LRP1B: variants seen among roughly 807,000 people sequenced by gnomAD.
LRP1B encodes the protein LDL receptor related protein 1B.
Under a neutral mutation model 556.6 loss-of-function variants are expected in LRP1B, and 217 were observed. The ratio of observed to expected loss-of-function variants is 0.39; its 90% CI spans 0.35 to 0.44. The LOEUF (loss-of-function observed/expected upper bound fraction) is 0.44, where lower values mean the gene tolerates loss of function less well. LRP1B is among the 20% of genes least tolerant of loss of function. The probability of loss-of-function intolerance (pLI) is 1.00; values close to 1 mark genes in which losing one functional copy is unlikely to be tolerated. For missense variants in LRP1B, 5,053 were observed against 5,620.8 expected (o/e 0.90, Z 3.23); for synonymous variants, 2,047 against 1,865.8 (o/e 1.10, Z -2.50).
chr2:141,592,716 G>A (rs1276940256), intron 2 of LRP1B, among the ~76,000 whole-genome samples: 3 of 152,126 alleles, frequency 2.0e-5, no homozygotes, highest in Admixed American at 2.0e-4. Context: ...ACTTTTAATG[G>A]CACCTTGTGA....
chr2:140,546,183 G>A (rs992176579), intron 43 of LRP1B, among the ~76,000 whole-genome samples: 2 of 151,962 alleles, frequency 1.3e-5, no homozygotes, highest in African/African-American at 4.8e-5. Flanking sequence ...AAGCTTTTGG[G>A]CTGAGACTAT....
intron 3 of LRP1B, among the ~76,000 whole-genome samples, chr2:141,331,552 C>CTTTCTTTCTTTCTTTCTTTCTTTCT (rs1573817128): frequency 7.0e-6 from 1 of 143,074 alleles, no homozygotes; most frequent in Admixed American, 7.1e-5. Flanking sequence ...TTCTTTCTTT[C>CTTTCTTTCTTTCTTTCTTTCTTTCT]TTATTTGGGA....
intron 70 of LRP1B, 78 bp from the exon 71 acceptor site, chr2:140,370,920 G>C (rs2105165883): frequency 6.9e-7 from 1 of 1,449,000 alleles, no homozygotes; most frequent in African/African-American, 1.4e-5. Flanking sequence ...CATGCAGCTT[G>C]TAATACTAGA....
At chr2:141,890,500 T>G (rs964524249) in intron 1 of LRP1B, among the ~76,000 whole-genome samples, 1 of 151,560 alleles carries the variant, frequency 6.6e-6, no homozygotes, top group Non-Finnish European at 1.5e-5. Context: ...TATATATCAT[T>G]GACAAAATAT....
intron 7 of LRP1B, among the ~76,000 whole-genome samples, chr2:141,142,359 C>T (rs114467335): frequency 0.019 from 2,837 of 152,174 alleles, 28 homozygotes; most frequent in Middle Eastern, 0.045. Flanking sequence ...TTCTTGAGCC[C>T]CTATAGCCAC....
chr2:140,905,760 T>A (rs370866901), intron 22 of LRP1B, among the ~76,000 whole-genome samples: 3 of 152,222 alleles, frequency 2.0e-5, no homozygotes, highest in East Asian at 3.9e-4. Context: ...GAAGTTGAGC[T>A]CAGTTCACAG....
rs2105122192 is a variant in LRP1B at position 140,851,783 on chromosome 2, G to A, written c.4580C>T (p.Ala1527Val). The A allele has an allele frequency of 3.1e-6, 5 of 1,597,816 alleles. No individual in the cohort carries two copies. The highest frequency in any genetic ancestry group is 4.3e-6 in the Non-Finnish European group (5 of 1,175,454). Residue 1527 changes from alanine (A) to valine (V), a missense_variant and splice_region_variant, in exon 28 of 91, where the codon GCT becomes GTT. Ala to Val is a moderately conservative substitution (Grantham distance 64). This residue lies in a region of LRP1B where 3,619 missense variants were observed against 3,931.9 expected (regional missense o/e 0.92). Transcript: ENST00000389484. The stretch of plus-strand genomic sequence containing the variant: ...ATCATTAGCTGCACAAGGATTGGGA[G>A]CTGTAATTACACAGTGAAATATGAA... ...QIYHPSRQPQAPNPCAANDGK... is the reference protein window; with the variant it reads ...QIYHPSRQPQVPNPCAANDGK...
At chr2:140,410,244 C>T (rs1391970602) in intron 66 of LRP1B, among the ~76,000 whole-genome samples, 1 of 151,970 alleles carries the variant, frequency 6.6e-6, no homozygotes, top group Non-Finnish European at 1.5e-5. Flanking sequence ...CAGAACATGT[C>T]CCTTACTTGA....
intron 3 of LRP1B, among the ~76,000 whole-genome samples, chr2:141,425,571 T>C (rs1191149081): frequency 6.7e-6 from 1 of 148,342 alleles, no homozygotes; most frequent in African/African-American, 2.5e-5. Flanking sequence ...CCACATCCTC[T>C]CCAGCACCTG....
chr2:142,058,507 G>A (rs933261572), intron 1 of LRP1B, among the ~76,000 whole-genome samples: 2 of 152,100 alleles, frequency 1.3e-5, no homozygotes, highest in African/African-American at 2.4e-5. Context: ...AATGTGGCCT[G>A]AAACAAATTC....
intron 84 of LRP1B, among the ~76,000 whole-genome samples, chr2:140,278,000 C>T (rs1013700631): frequency 6.7e-6 from 1 of 149,846 alleles, no homozygotes; most frequent in Non-Finnish European, 1.5e-5. Flanking sequence ...AATGGATAAA[C>T]TATGTTTCAT....
chr2:141,850,200 C>T (rs1440886132), intron 1 of LRP1B, among the ~76,000 whole-genome samples: 5 of 151,696 alleles, frequency 3.3e-5, no homozygotes, highest in African/African-American at 4.8e-5. Context: ...AATCCAACTT[C>T]ATCTTTCCCT....
At chr2:140,759,171 AT>A (rs747193332) in intron 35 of LRP1B, among the ~76,000 whole-genome samples, 1 of 151,910 alleles carries the variant, frequency 6.6e-6, no homozygotes, top group African/African-American at 2.4e-5. Flanking sequence ...GAGAAAATAG[AT>A]TTTTTTTTAA....
chr2:141,332,976 T>C (rs1378391124), intron 3 of LRP1B, among the ~76,000 whole-genome samples: 1 of 152,100 alleles, frequency 6.6e-6, no homozygotes, highest in Non-Finnish European at 1.5e-5. Context: ...GTTTTTCAGC[T>C]CTTGGAGTAT....
At chr2:141,947,128 A>C (rs1700974705) in intron 1 of LRP1B, among the ~76,000 whole-genome samples, 1 of 152,152 alleles carries the variant, frequency 6.6e-6, no homozygotes, top group African/African-American at 2.4e-5. Flanking sequence ...CAATTTATAT[A>C]TTTTTAAAAA....
At chr2:140,733,058 C>A (rs72925863) in intron 35 of LRP1B, among the ~76,000 whole-genome samples, 2 of 152,126 alleles carry the variant, frequency 1.3e-5, no homozygotes, top group East Asian at 1.9e-4. Context: ...TTACCTTGAG[C>A]TATAAGCCTC....
At chr2:142,129,094 A>T (rs1023202041) in intron 1 of LRP1B, among the ~76,000 whole-genome samples, 2 of 152,056 alleles carry the variant, frequency 1.3e-5, no homozygotes, top group African/African-American at 4.8e-5. Context: ...TGGGCTGAAA[A>T]TCTCCATTCT....
intron 3 of LRP1B, among the ~76,000 whole-genome samples, chr2:141,297,740 AC>A (rs1686235701): frequency 6.6e-6 from 1 of 152,124 alleles, no homozygotes; most frequent in African/African-American, 2.4e-5. Flanking sequence ...TCAATGAAGG[AC>A]CCCATATACA....
intron 35 of LRP1B, among the ~76,000 whole-genome samples, chr2:140,759,427 T>C (rs568344270): frequency 3.9e-5 from 6 of 152,324 alleles, no homozygotes; most frequent in East Asian, 3.9e-4. Flanking sequence ...GATCCTCTCA[T>C]TGAATTTTCA....
Sources: gnomAD v4.1 joint callset for allele counts (sites outside exome capture counted in the v4.1 genomes callset) on GRCh38, gnomAD v4.1.1 for gene constraint, gnomAD v4.1.1 regional missense constraint, MANE v1.5 for transcripts, NCBI Gene and HGNC (gene_info 2026-07-23, HGNC 2026-07-21) for gene names.